The following REC8 variants were observed in gnomAD, a reference collection of about 807,000 sequenced individuals.
REC8 encodes the protein meiotic recombination protein REC8 homolog.
REC8 carries 42 observed loss-of-function variants against 78.3 expected under a neutral mutation model. The observed-to-expected ratio is 0.54, with a 90% CI of 0.42 to 0.69. The LOEUF is 0.69. Ranked by LOEUF, REC8 falls within the 30% of genes least tolerant of loss-of-function variation. REC8 has a pLI of 0.00. For missense variants in REC8, 581 were observed against 715.8 expected (o/e 0.81, Z 2.15); for synonymous variants, 268 against 274.1 (o/e 0.98, Z 0.22).
At position 24,173,399 on chromosome 14, in the gene REC8, C is replaced by T. The variant is rs1277593076; in HGVS notation, c.450C>T (p.Phe150=). 29 of 1,613,936 alleles carry T rather than the reference C, an allele frequency of 1.8e-5. No homozygotes were observed. Among genetic ancestry groups the T allele is most frequent in the Non-Finnish European group, 2.3e-5 (27 of 1,179,992 alleles). Residue 150 remains phenylalanine, a synonymous_variant, in exon 5 of 19, where the codon TTC becomes TTT. Transcript: ENST00000611366. The part of the protein sequence containing the change: ...MSVDPRLPSP[F]DIPQIRHLLE... The stretch of plus-strand genomic sequence containing the variant: ...TGGATCCCAGACTTCCTAGTCCTTT[C>T]GATATCCCTCAGGTAGGGCTCATTC...
intron 5 of REC8, 161 bp from the exon 6 acceptor site, chr14:24,175,379 AAAG>A (rs1248303440): frequency 3.3e-6 from 2 of 599,540 alleles, no homozygotes; most frequent in Non-Finnish European, 3.0e-6. Context: ...GGAACTGAGG[AAAG>A]AAGACCAGAG....
intron 7 of REC8, 23 bp from the exon 8 acceptor site, chr14:24,177,118 C>A: frequency 1.2e-6 from 2 of 1,608,818 alleles, no homozygotes; most frequent in South Asian, 1.1e-5. Context: ...AATCCCCTCC[C>A]CTTGCTCTTC....
chr14:24,175,729 T>C (rs2038865622), intron 6 of REC8, 105 bp downstream of exon 6: 1 of 722,366 alleles, frequency 1.4e-6, no homozygotes, highest in Non-Finnish European at 2.3e-6. Context: ...AGGGGCGCTT[T>C]TTTTTTTTTT....
Position 24,175,571 on chromosome 14 carries a change from C to G in REC8, c.491C>G (p.Pro164Arg). 6.2e-7 allele frequency: 1 copy of G among 1,614,038 alleles called. No individual in the cohort carries two copies. The highest frequency in any genetic ancestry group is 1.3e-5 in the African/African-American group (1 of 75,010). Reference protein sequence around the residue: ...QIRHLLEAAIPERVEEIPPEV... With the variant: ...QIRHLLEAAIRERVEEIPPEV... ...CGACACCTCTTAGAGGCTGCAATCC[C>G]AGAGAGAGTTGAAGAGATCCCTCCT... The change falls in exon 6 of 19, where the codon CCA becomes CGA. Residue 164 changes from proline to arginine, a missense_variant. Transcript: ENST00000611366.
intron 7 of REC8, 62 bp downstream of exon 7, chr14:24,176,963 CCA>C (rs2038924397): frequency 6.9e-7 from 1 of 1,447,220 alleles, no homozygotes; most frequent in South Asian, 1.2e-5. Flanking sequence ...CTCTCTGTCC[CCA>C]GAGTCCTGCC....
chr14:24,178,078 C>G lies in REC8; in HGVS notation c.865-13C>G, dbSNP rs748475235. The G allele has an allele frequency of 1.2e-6, 2 of 1,610,358 alleles. No homozygotes were observed. Among genetic ancestry groups the G allele is most frequent in the South Asian group, 1.1e-5 (1 of 90,834 alleles). On this transcript the variant is annotated splice_polypyrimidine_tract_variant and intron_variant, in intron 11 of 18. Coordinates refer to ENST00000611366, the MANE Select transcript of REC8 (RefSeq NM_001048205.2). Reference sequence around the variant, plus strand: ...GGGCAGCCTTGCCCCTACCTGCCCTCCCCACTCAACAGAGGAGGCCCCCAG... The same window carrying G: ...GGGCAGCCTTGCCCCTACCTGCCCTGCCCACTCAACAGAGGAGGCCCCCAG...
chr14:24,175,577 G>T lies in REC8; in HGVS notation c.497G>T (p.Arg166Ile), dbSNP rs549051039. The T allele has an allele frequency of 2.5e-5, 41 of 1,614,142 alleles. No individual in the cohort carries two copies. The highest frequency in any genetic ancestry group is 3.5e-5 in the Non-Finnish European group (41 of 1,179,974). The change falls in exon 6 of 19, where the codon AGA becomes ATA. Residue 166 changes from arginine (R) to isoleucine (I), a missense_variant. By Grantham distance (97) the Arg-to-Ile change is moderately conservative. Coordinates refer to ENST00000611366, the MANE Select transcript of REC8 (RefSeq NM_001048205.2). ...RHLLEAAIPE[R>I]VEEIPPEVPT... The stretch of plus-strand genomic sequence containing the variant: ...CTCTTAGAGGCTGCAATCCCAGAGA[G>T]AGTTGAAGAGATCCCTCCTGAAGTT...
downstream of REC8, chr14:24,180,690 T>G: frequency 6.2e-7 from 1 of 1,614,092 alleles, no homozygotes; most frequent in Non-Finnish European, 8.5e-7. Flanking sequence ...TACCCTCACC[T>G]GGTGGGATCT....
chr14:24,180,667 T>C, downstream of REC8: 1 of 1,613,986 alleles, frequency 6.2e-7, no homozygotes, highest in African/African-American at 1.3e-5. Flanking sequence ...CGCAAGCCCC[T>C]GCCTATGACT....
chr14:24,177,250 G>A (rs372396715), intron 8 of REC8, 28 bp downstream of exon 8: 469 of 1,612,122 alleles, frequency 2.9e-4, no homozygotes, highest in Non-Finnish European at 3.5e-4. Flanking sequence ...CGTAGGGCCC[G>A]CCTGGAGCTG....
Position 24,172,774 on chromosome 14 carries a change from A to G in REC8, c.118A>G (p.Lys40Glu), listed in dbSNP as rs1318726988. 11 of 1,614,208 alleles carry G rather than the reference A, an allele frequency of 6.8e-6. No individual in the cohort carries two copies. The South Asian group carries it at 9.9e-5, about 14-fold the overall frequency. Residue 40 changes from lysine to glutamate, a missense_variant, in exon 2 of 19, where the codon AAA becomes GAA. Lys to Glu is a moderately conservative substitution (Grantham distance 56). Transcript: ENST00000611366. ...KREYLRVNVV[K>E]TCEEILNYVL... ...CGAATACCTGAGGGTGAATGTGGTG[A>G]AAACCTGGTAAGGCCCAGAAAAGGG...
rs747107951 is a variant in REC8 at position 24,177,147 on chromosome 14, CG to C, written c.634del (p.Glu212SerfsTer13). ...PIRMLEIEGERELPEVSRREL... is the reference protein window; with the variant it reads ...PIRMLEIEGEXELPEVSRREL... ...GCTCTTCCTCTCTGGACAGGGTGAA[CG>C]GGAGCTCCCAGAGGTCAGCCGCCGA... On this transcript the variant is annotated frameshift_variant, in exon 8 of 19. Coordinates refer to ENST00000611366, the MANE Select transcript of REC8 (RefSeq NM_001048205.2). LOFTEE classifies it high-confidence loss of function. The C allele has an allele frequency of 6.2e-7, 1 of 1,613,796 alleles. No individual in the cohort carries two copies. Among genetic ancestry groups the C allele is most frequent in the Non-Finnish European group, 8.5e-7 (1 of 1,179,766 alleles).
At chr14:24,173,696 T>C (rs1023976603) in intron 5 of REC8, among the ~76,000 whole-genome samples, 2 of 152,200 alleles carry the variant, frequency 1.3e-5, no homozygotes, top group Admixed American at 1.3e-4. Flanking sequence ...CTCATCTCTC[T>C]GCACTGGGCT....
intron 5 of REC8, chr14:24,175,312 C>T (rs751017933): frequency 2.2e-5 from 9 of 403,694 alleles, no homozygotes; most frequent in Non-Finnish European, 3.7e-5. Flanking sequence ...GGCCTTCTTG[C>T]ACAAATTGAT....
rs200490428 is a variant in REC8 at position 24,178,620 on chromosome 14, G to A, written c.1011G>A (p.Pro337=). 412 of 1,613,946 alleles carry A rather than the reference G, an allele frequency of 2.6e-4. 2 individuals carry two copies. The African/African-American group carries it at 3.7e-3, about 15-fold the overall frequency. ...AHCWECPMVQ[P]PERTIRGPAE... ...CCACTACACAGCCTATGGTGCAGCCGCCCGAGAGGACCATCAGAGGCCCTG... is the reference window on the plus strand; with the variant it reads ...CCACTACACAGCCTATGGTGCAGCCACCCGAGAGGACCATCAGAGGCCCTG... The change falls in exon 13 of 19, where the codon CCG becomes CCA. Residue 337 remains proline (P), a synonymous_variant. Transcript: ENST00000611366.
intron 12 of REC8, among the ~76,000 whole-genome samples, 170 bp from the exon 13 acceptor site, chr14:24,178,436 G>A (rs758276317): frequency 1.3e-5 from 2 of 152,156 alleles, no homozygotes; most frequent in Admixed American, 1.3e-4. Flanking sequence ...CATACCCATG[G>A]GCACCAGGTT....
At chr14:24,173,577 G>A (rs2139123348) in intron 5 of REC8, among the ~76,000 whole-genome samples, 166 bp downstream of exon 5, 1 of 152,302 alleles carries the variant, frequency 6.6e-6, no homozygotes, top group South Asian at 2.1e-4. Flanking sequence ...GAAGCCCCCT[G>A]TACTTACCTA....
rs771899591 is a variant in REC8 at position 24,178,757 on chromosome 14, T to TACTA, written c.1064-19_1064-16dup. 3 of 1,608,818 alleles carry TACTA rather than the reference T, an allele frequency of 1.9e-6. No homozygotes were observed. Reference sequence around the variant, plus strand: ...CTCCTCACGCCTCAAACCCCGTGCCTACTACCCTCTTGTCCACAGCTGGCT... The same window carrying TACTA: ...CTCCTCACGCCTCAAACCCCGTGCCTACTAACTACCCTCTTGTCCACAGCTGGCT... On this transcript the variant is annotated intron_variant, in intron 13 of 18. Transcript: ENST00000611366.
intron 11 of REC8, 141 bp downstream of exon 11, chr14:24,177,899 C>CGTATCTGG (rs1210226997): frequency 6.8e-7 from 1 of 1,476,018 alleles, no homozygotes; most frequent in Non-Finnish European, 9.0e-7. Flanking sequence ...TACGCCCCAT[C>CGTATCTGG]GTATCTGGCC....
Sources: allele counts gnomAD v4.1 joint callset (sites outside exome capture counted in the v4.1 genomes callset), GRCh38; gene constraint gnomAD v4.1.1; transcripts MANE v1.5; gene names NCBI Gene and HGNC (gene_info 2026-07-23, HGNC 2026-07-21).